Variants in NLGN1 observed in about 807,000 individuals in gnomAD.
NLGN1 encodes the protein neuroligin-1.
A neutral mutation model predicts 65.5 loss-of-function variants in NLGN1; 12 were observed. The ratio of observed to expected loss-of-function variants is 0.18; its 90% CI spans 0.12 to 0.30. The LOEUF (loss-of-function observed/expected upper bound fraction) is 0.30, where lower values mean the gene tolerates loss of function less well. Among genes scored for constraint, NLGN1 ranks in the 10% least tolerant of loss-of-function variants. The pLI is 1.00. For missense variants in NLGN1, 750 were observed against 1,007.1 expected (o/e 0.74, Z 3.46); for synonymous variants, 350 against 359.5 (o/e 0.97, Z 0.30).
chr3:173,540,031 C>G (rs1738564669), intron 2 of NLGN1, among the ~76,000 whole-genome samples: 1 of 151,604 alleles, frequency 6.6e-6, no homozygotes, highest in Non-Finnish European at 1.5e-5. Flanking sequence ...ATGGGCAGCT[C>G]AGACCACTTG....
intron 2 of NLGN1, among the ~76,000 whole-genome samples, chr3:173,565,720 TA>T (rs1466086190): frequency 6.6e-6 from 1 of 152,096 alleles, no homozygotes; most frequent in Non-Finnish European, 1.5e-5. Context: ...CACATAAAGG[TA>T]AACCAATTTA....
intron 4 of NLGN1, among the ~76,000 whole-genome samples, chr3:174,063,175 G>T (rs1035883960): frequency 1.3e-5 from 2 of 152,122 alleles, no homozygotes; most frequent in South Asian, 4.1e-4. Context: ...AGAATTAATG[G>T]AGTATGGACA....
At chr3:174,039,420 C>G (rs1486180060) in intron 4 of NLGN1, among the ~76,000 whole-genome samples, 1 of 151,870 alleles carries the variant, frequency 6.6e-6, no homozygotes, top group African/African-American at 2.4e-5. Context: ...CTCTCTCTCC[C>G]CTTGCCCCCC....
chr3:173,665,633 T>C (rs1269231610), intron 3 of NLGN1, among the ~76,000 whole-genome samples: 4 of 152,174 alleles, frequency 2.6e-5, no homozygotes, highest in African/African-American at 9.7e-5. Context: ...CTTTAAATCT[T>C]GTTATCAAAA....
intron 3 of NLGN1, among the ~76,000 whole-genome samples, chr3:173,683,305 T>C (rs998736799): frequency 1.3e-5 from 2 of 152,136 alleles, no homozygotes; most frequent in African/African-American, 4.8e-5. Context: ...CTTCCCCCCA[T>C]GGCATAAATA....
At chr3:173,498,543 T>A (rs1176638300) in intron 2 of NLGN1, among the ~76,000 whole-genome samples, 1 of 151,768 alleles carries the variant, frequency 6.6e-6, no homozygotes, top group Non-Finnish European at 1.5e-5. Context: ...TAGTAGCATG[T>A]TTTATAATCC....
intron 2 of NLGN1, among the ~76,000 whole-genome samples, chr3:173,456,112 C>T (rs1722480290): frequency 6.6e-6 from 1 of 152,068 alleles, no homozygotes; most frequent in Non-Finnish European, 1.5e-5. Flanking sequence ...CTGGAAACAC[C>T]CTCACAGATA....
chr3:174,260,342 A>G (rs1360932158), intron 4 of NLGN1, among the ~76,000 whole-genome samples: 22 of 148,468 alleles, frequency 1.5e-4, no homozygotes, highest in African/African-American at 4.5e-4. Flanking sequence ...CCTCTCCAGC[A>G]CCTGTTGTTT....
Position 173,684,851 on chromosome 3 carries a change from T to TA in NLGN1, c.493+79765dup, listed in dbSNP as rs1764458586. Among the ~76,000 whole-genome samples the TA allele has an allele frequency of 3.3e-5, 5 of 152,372 alleles. No homozygotes were observed. In the South Asian group the frequency reaches 1.0e-3, roughly 32 times the overall value. Reference sequence around the variant, plus strand: ...AGTTAAAATTATAACTAAGCTATTTTAAAAATTAATACATAACAGTGGAGT... The same window carrying TA: ...AGTTAAAATTATAACTAAGCTATTTTAAAAAATTAATACATAACAGTGGAGT... On this transcript the variant is annotated intron_variant, in intron 3 of 6. Transcript: ENST00000457714.
At chr3:173,421,574 A>T (rs891431226) in intron 1 of NLGN1, among the ~76,000 whole-genome samples, 4 of 151,716 alleles carry the variant, frequency 2.6e-5, no homozygotes, top group Non-Finnish European at 4.4e-5. Flanking sequence ...GTGCAATCTC[A>T]GCTCTTTGCA....
intron 1 of NLGN1, among the ~76,000 whole-genome samples, chr3:173,419,697 G>A (rs183242621): frequency 5.0e-4 from 76 of 151,940 alleles, no homozygotes; most frequent in Admixed American, 6.6e-5. Flanking sequence ...CTGGTTGGGC[G>A]TGGTGGCTCA....
chr3:173,432,823 A>G (rs1044622713), intron 1 of NLGN1, among the ~76,000 whole-genome samples: 1 of 152,012 alleles, frequency 6.6e-6, no homozygotes, highest in South Asian at 2.1e-4. Flanking sequence ...ATTTCCTGTT[A>G]TCTTTTAGAA....
chr3:173,577,041 G>A (rs1268576774), intron 2 of NLGN1, among the ~76,000 whole-genome samples: 1 of 152,114 alleles, frequency 6.6e-6, no homozygotes, highest in East Asian at 1.9e-4. Flanking sequence ...ATCTTCTTGT[G>A]CTTTTTTCTG....
chr3:173,595,744 C>T (rs1476563174), intron 2 of NLGN1, among the ~76,000 whole-genome samples: 5 of 152,132 alleles, frequency 3.3e-5, no homozygotes, highest in Non-Finnish European at 4.4e-5. Context: ...GCTGGGGAGG[C>T]CTCAGAATTA....
intron 3 of NLGN1, among the ~76,000 whole-genome samples, chr3:173,798,060 TA>T (rs1478539772): frequency 6.6e-6 from 1 of 152,074 alleles, no homozygotes; most frequent in African/African-American, 2.4e-5. Flanking sequence ...AGAGAGCTCT[TA>T]TAGAGCCCCG....
intron 3 of NLGN1, among the ~76,000 whole-genome samples, chr3:173,728,681 A>G (rs1406240914): frequency 6.6e-6 from 1 of 152,124 alleles, no homozygotes; most frequent in East Asian, 1.9e-4. Context: ...AGATGGATGC[A>G]TACGTATAGG....
intron 3 of NLGN1, among the ~76,000 whole-genome samples, chr3:173,660,106 G>T (rs1284242953): frequency 6.7e-5 from 1 of 14,872 alleles, no homozygotes; most frequent in African/African-American, 4.4e-4. Flanking sequence ...GGTTATTCTT[G>T]CTATTCGTAG....
At chr3:174,133,691 T>C (rs570549144) in intron 4 of NLGN1, among the ~76,000 whole-genome samples, 1 of 152,218 alleles carries the variant, frequency 6.6e-6, no homozygotes, top group Non-Finnish European at 1.5e-5. Flanking sequence ...TAGTTATTCC[T>C]CTGACTGTAA....
At chr3:173,705,164 T>A (rs1021807) in intron 3 of NLGN1, among the ~76,000 whole-genome samples, 29,644 of 151,750 alleles carry the variant, frequency 0.2, 3,120 homozygotes, top group Admixed American at 0.24. Context: ...ATTTTTTTTT[T>A]AACTGAAATA....
Sources: gnomAD v4.1 joint callset for allele counts (sites outside exome capture counted in the v4.1 genomes callset) on GRCh38, gnomAD v4.1.1 for gene constraint, MANE v1.5 for transcripts, NCBI Gene and HGNC (gene_info 2026-07-23, HGNC 2026-07-21) for gene names.